Variants in MYO16 observed in about 807,000 individuals in gnomAD.
The protein encoded by MYO16 is myosin XVI.
A neutral mutation model predicts 205.3 loss-of-function variants in MYO16; 94 were observed. The observed-to-expected ratio is 0.46, with a 90% CI of 0.39 to 0.54. MYO16 has a LOEUF of 0.54. Among genes scored for constraint, MYO16 ranks in the 20% least tolerant of loss-of-function variants. MYO16 has a pLI of 0.00. For missense variants in MYO16, 2,315 were observed against 2,387.5 expected (o/e 0.97, Z 0.63); for synonymous variants, 988 against 954.0 (o/e 1.04, Z -0.66).
intron 28 of MYO16, 135 bp downstream of exon 28, chr13:109,101,022 T>C: frequency 1.5e-6 from 1 of 666,640 alleles, no homozygotes. Flanking sequence ...TGACATTAAG[T>C]GTATTCCCTG....
At chr13:108,852,226 C>G (rs762329584) in intron 10 of MYO16, among the ~76,000 whole-genome samples, 10 of 152,216 alleles carry the variant, frequency 6.6e-5, no homozygotes, top group South Asian at 2.1e-4. Flanking sequence ...ACTTCTCCCC[C>G]CAGCCCCCCA....
At chr13:108,744,104 T>C (rs755982808) in intron 4 of MYO16, among the ~76,000 whole-genome samples, 2 of 152,232 alleles carry the variant, frequency 1.3e-5, no homozygotes, top group Non-Finnish European at 2.9e-5. Context: ...ATATCAACTT[T>C]TCATGTAAAT....
chr13:108,790,972 A>G (rs1034933943), intron 5 of MYO16, among the ~76,000 whole-genome samples: 4 of 152,254 alleles, frequency 2.6e-5, no homozygotes, highest in Admixed American at 2.6e-4. Context: ...ACGTTGTAAC[A>G]TCCTAAAAGT....
At chr13:108,927,211 A>G (rs1882047706) in intron 16 of MYO16, among the ~76,000 whole-genome samples, 1 of 152,208 alleles carries the variant, frequency 6.6e-6, no homozygotes, top group Non-Finnish European at 1.5e-5. Context: ...CCCAAATGCC[A>G]GTGATTCTCC....
rs565219144 is a variant in MYO16, at chr13:108,823,752, A to AT, written c.1097+474_1097+475insT. Among the ~76,000 whole-genome samples, 718 of 152,244 alleles carry AT rather than the reference A, an allele frequency of 4.7e-3. 5 individuals are homozygous for AT. Among genetic ancestry groups the AT allele is most frequent in the African/African-American group, 0.017 (686 of 41,556 alleles). On this transcript the variant is annotated intron_variant, in intron 9 of 34. Transcript: ENST00000457511. ...ATCATTTTCAAGGTCTGAAAAAGGG[A>AT]CACAAAGTGTGATTAATAAGAATGA...
At chr13:109,147,738 A>G (rs544827804) in intron 32 of MYO16, among the ~76,000 whole-genome samples, 11 of 152,102 alleles carry the variant, frequency 7.2e-5, no homozygotes, top group Non-Finnish European at 1.3e-4. Context: ...TAATTTACTG[A>G]GGTGCTCTTC....
chr13:108,712,558 C>A, intron 2 of MYO16, 103 bp from the exon 3 acceptor site: 1 of 992,724 alleles, frequency 1.0e-6, no homozygotes, highest in Non-Finnish European at 1.6e-6. Context: ...CTTTGGTTTT[C>A]ACAGCTGTTT....
the MYO16 span, among the ~76,000 whole-genome samples, chr13:108,556,126 A>T: frequency 3.3e-5 from 5 of 152,080 alleles, no homozygotes; most frequent in African/African-American, 1.2e-4. Flanking sequence ...TCTCTTTGAC[A>T]CACTGACTTT....
the MYO16 span, among the ~76,000 whole-genome samples, chr13:108,529,514 GCTA>G: frequency 6.6e-6 from 1 of 152,108 alleles, no homozygotes; most frequent in South Asian, 2.1e-4. Context: ...CTTCACTAGA[GCTA>G]CTGATGTTCG....
chr13:108,754,653 T>C (rs1409787120), intron 4 of MYO16, among the ~76,000 whole-genome samples: 1 of 152,192 alleles, frequency 6.6e-6, no homozygotes, highest in African/African-American at 2.4e-5. Flanking sequence ...TACTCCTTAG[T>C]ATAAATCCCA....
chr13:109,203,424 C>CTT (rs113717486), intron 34 of MYO16, among the ~76,000 whole-genome samples: 2 of 145,126 alleles, frequency 1.4e-5, no homozygotes, highest in Non-Finnish European at 1.5e-5. Context: ...TTTATGTTGA[C>CTT]TTTTTTTTTT....
At chr13:108,502,253 T>C in the MYO16 span, among the ~76,000 whole-genome samples, 2 of 152,022 alleles carry the variant, frequency 1.3e-5, no homozygotes, top group South Asian at 4.1e-4. Flanking sequence ...AATTGTAGAT[T>C]TATTGAATTT....
intron 31 of MYO16, among the ~76,000 whole-genome samples, chr13:109,136,821 G>T (rs12100153): frequency 0.016 from 2,328 of 143,566 alleles, 58 homozygotes; most frequent in African/African-American, 0.057. Flanking sequence ...AGAGTTTAAG[G>T]TTTTTTTGTT....
At chr13:109,029,020 T>C (rs79658553) in intron 23 of MYO16, among the ~76,000 whole-genome samples, 2,536 of 152,054 alleles carry the variant, frequency 0.017, 73 homozygotes, top group African/African-American at 0.058. Context: ...CGAGTAGAGA[T>C]CTTTGTCTCA....
intron 15 of MYO16, among the ~76,000 whole-genome samples, chr13:108,898,584 T>C (rs1159811680): frequency 6.6e-6 from 1 of 152,212 alleles, no homozygotes; most frequent in South Asian, 2.1e-4. Flanking sequence ...AAATAAATAA[T>C]ACCTTAGTAT....
At chr13:109,054,357 GA>G in intron 25 of MYO16, 1 of 360,274 alleles carries the variant, frequency 2.8e-6, no homozygotes, top group Non-Finnish European at 5.5e-6. Flanking sequence ...GGAAGAGGAG[GA>G]AAGGGAAGAA....
chr13:109,049,827 C>T (rs1255045326), intron 24 of MYO16, among the ~76,000 whole-genome samples: 1 of 151,932 alleles, frequency 6.6e-6, no homozygotes, highest in African/African-American at 2.4e-5. Flanking sequence ...CAGGTATCCT[C>T]TTCCCAGATT....
At chr13:108,675,906 G>T (rs1293803052) in intron 2 of MYO16, among the ~76,000 whole-genome samples, 1 of 152,120 alleles carries the variant, frequency 6.6e-6, no homozygotes, top group African/African-American at 2.4e-5. Flanking sequence ...GGCACTTTCT[G>T]CACCTCATAT....
chr13:108,886,409 C>T (rs1404525179), intron 13 of MYO16: 2 of 456,022 alleles, frequency 4.4e-6, no homozygotes, highest in African/African-American at 2.0e-5. Flanking sequence ...AGCTCGGCTA[C>T]GTCCAGGTTC....
Sources: allele counts gnomAD v4.1 joint callset (sites outside exome capture counted in the v4.1 genomes callset), GRCh38; gene constraint gnomAD v4.1.1; transcripts MANE v1.5; gene names NCBI Gene and HGNC (gene_info 2026-07-23, HGNC 2026-07-21).